The following F5 variants were observed in gnomAD, a reference collection of about 807,000 sequenced individuals.
The protein encoded by F5 is activated protein c cofactor.
Under a neutral mutation model 216.4 loss-of-function variants are expected in F5, and 138 were observed. That is an observed-to-expected ratio of 0.64 (90% CI 0.56 to 0.73). F5 has a LOEUF of 0.73. F5 is among the 30% of genes least tolerant of loss of function. The probability of loss-of-function intolerance (pLI) is 0.00; values close to 1 mark genes in which losing one functional copy is unlikely to be tolerated. For synonymous variants in F5, 916 were observed against 930.7 expected (o/e 0.98, Z 0.29); for missense variants, 2,403 against 2,674.0 (o/e 0.90, Z 2.24).
chr1:169,559,138 C>A lies in F5; in HGVS notation c.730+15G>T, dbSNP rs745875150. 1.9e-5 allele frequency: 30 copies of A among 1,613,358 alleles called. No homozygotes were observed. The East Asian group carries it at 6.5e-4, about 35-fold the overall frequency. ...GATTTTACTGTTGTTTAATGGTACA[C>A]AGCCCTCGTGTTACCTGGCATTGTC... On this transcript the variant is annotated intron_variant, in intron 5 of 24. Coordinates refer to ENST00000367797, the MANE Select transcript of F5 (RefSeq NM_000130.5).
rs138922712 is a variant in F5 at position 169,534,731 on chromosome 1, G to C, written c.4971+1775C>G. On this transcript the variant is annotated intron_variant, in intron 14 of 24. Transcript: ENST00000367797. ...TTCTACTGAAAAGACACATGTACTA[G>C]GATGTTCATCACAGCATTATTCACA... Among the ~76,000 whole-genome samples the C allele has an allele frequency of 1.1e-3, 163 of 151,800 alleles. 1 individual carries two copies. The highest frequency in any genetic ancestry group is 6.9e-3 in the Middle Eastern group (2 of 290).
chr1:169,582,885 G>A (rs984719421), intron 1 of F5, among the ~76,000 whole-genome samples: 5 of 152,172 alleles, frequency 3.3e-5, no homozygotes, highest in African/African-American at 7.2e-5. Flanking sequence ...TATATGAGCT[G>A]TTTTTCAACT....
intron 2 of F5, among the ~76,000 whole-genome samples, chr1:169,577,618 T>A (rs1177437194): frequency 2.2e-5 from 3 of 139,070 alleles, no homozygotes; most frequent in African/African-American, 5.3e-5. Context: ...TGTATTTTTT[T>A]AAATAGAAAC....
rs116407347 is a variant in F5 at position 169,541,833 on chromosome 1, A to C, written c.3257T>G (p.Leu1086Trp). Reference protein sequence around the residue: ...TSLPTDLNQTLPSMDFGWIAS... With the variant: ...TSLPTDLNQTWPSMDFGWIAS... ...TATCCAGCCAAAATCCATAGAGGGC[A>C]ATGTCTGATTGAGGTCTGTGGGAAG... Residue 1086 changes from leucine to tryptophan, a missense_variant, in exon 13 of 25, where the codon TTG becomes TGG. Physicochemically the swap from Leu to Trp is moderately conservative, Grantham distance 61 (BLOSUM62 -2). Coordinates refer to ENST00000367797, the MANE Select transcript of F5 (RefSeq NM_000130.5). The C allele has an allele frequency of 1.9e-6, 3 of 1,613,980 alleles. No individual in the cohort carries two copies. The highest frequency in any genetic ancestry group is 2.5e-6 in the Non-Finnish European group (3 of 1,179,994).
intron 3 of F5, among the ~76,000 whole-genome samples, chr1:169,564,981 C>T (rs1455238689): frequency 2.0e-5 from 3 of 152,036 alleles, no homozygotes; most frequent in Non-Finnish European, 2.9e-5. Flanking sequence ...ACCTCTACTT[C>T]TCTCTTCAGT....
intron 10 of F5, among the ~76,000 whole-genome samples, chr1:169,548,533 G>A (rs115592372): frequency 8.9e-4 from 136 of 152,180 alleles, no homozygotes; most frequent in African/African-American, 3.1e-3. Context: ...AAGGTAATAT[G>A]CAAAAGCAAA....
At chr1:169,535,395 A>G (rs941166990) in intron 14 of F5, among the ~76,000 whole-genome samples, 1 of 152,166 alleles carries the variant, frequency 6.6e-6, no homozygotes, top group African/African-American at 2.4e-5. Context: ...AAATTTTTTA[A>G]AAAACTTCAG....
rs1659097228 is a variant in F5, at chr1:169,514,043, T to C, written c.*270A>G. The C allele has an allele frequency of 2.4e-6, 1 of 415,120 alleles. No homozygotes were observed. The highest frequency in any genetic ancestry group is 4.3e-6 in the Non-Finnish European group (1 of 230,864). 25.7% of individuals were successfully genotyped at this position (415,120 alleles called of 1,614,324 possible). The stretch of plus-strand genomic sequence containing the variant: ...AAATATTACTTCATAGCATTTTCAA[T>C]CATTAAGAAAGATAAGCCCTTTTCT... On this transcript the variant is annotated 3_prime_UTR_variant, in exon 25 of 25. Transcript: ENST00000367797.
intron 2 of F5, among the ~76,000 whole-genome samples, chr1:169,575,395 GT>G (rs1283723929): frequency 6.6e-6 from 1 of 152,152 alleles, no homozygotes; most frequent in Non-Finnish European, 1.5e-5. Flanking sequence ...GCCTCATAGA[GT>G]TTTCCCTTTA....
chr1:169,528,174 C>G lies in F5; in HGVS notation c.5420-80G>C, dbSNP rs543375695. The G allele has an allele frequency of 4.6e-6, 7 of 1,531,472 alleles. No individual in the cohort carries two copies. In the African/African-American group the frequency reaches 5.5e-5, roughly 12 times the overall value. The allele number at this position is 1,531,472 out of a possible 1,614,324, so 94.9% of individuals were successfully genotyped here. A position where few individuals can be genotyped will look rare whatever the true frequency, so the allele number is the denominator to read the frequency against. ...AGTGGTAAGGAAATATGGGGCAACCCACTCAACACCCATGTTCCTCATGAT... is the reference window on the plus strand; with the variant it reads ...AGTGGTAAGGAAATATGGGGCAACCGACTCAACACCCATGTTCCTCATGAT... On this transcript the variant is annotated intron_variant, in intron 16 of 24. Coordinates refer to ENST00000367797, the MANE Select transcript of F5 (RefSeq NM_000130.5).
chr1:169,534,678 AAAAG>A lies in F5; in HGVS notation c.4971+1824_4971+1827del, dbSNP rs568251339. ...GTGAGACTCCATCTCAAAAAAAAAA[AAAAG>A]AAAGAAAGACAGAAAATACATTGTT... On this transcript the variant is annotated intron_variant, in intron 14 of 24. Transcript: ENST00000367797. Among the ~76,000 whole-genome samples, 85 of 152,164 alleles carry A rather than the reference AAAAG, an allele frequency of 5.6e-4. No homozygotes were observed. In the East Asian group the frequency reaches 0.012, roughly 22 times the overall value.
chr1:169,584,084 T>C (rs1407141197), intron 1 of F5, among the ~76,000 whole-genome samples: 1 of 152,212 alleles, frequency 6.6e-6, no homozygotes, highest in Non-Finnish European at 1.5e-5. Context: ...TGAAAAGTTA[T>C]TGTCCTCCCC....
rs1659087673 is a variant in F5 at position 169,513,752 on chromosome 1, A to T, written c.*561T>A. Among the ~76,000 whole-genome samples the T allele has an allele frequency of 6.6e-6, 1 of 152,112 alleles. No homozygotes were observed. The highest frequency in any genetic ancestry group is 2.1e-4 in the South Asian group (1 of 4,830). On this transcript the variant is annotated 3_prime_UTR_variant, in exon 25 of 25. Transcript: ENST00000367797. ...CTTAGGGAGACCAGGACGGATTCAC[A>T]ATTTCAATGGGGCTACTGGAAAGAT...
At chr1:169,523,617 A>C (rs1291398102) in intron 20 of F5, among the ~76,000 whole-genome samples, 184 bp downstream of exon 20, 1 of 152,204 alleles carries the variant, frequency 6.6e-6, no homozygotes, top group Non-Finnish European at 1.5e-5. Flanking sequence ...ATAAAACAAG[A>C]TATTATTAGA....
intron 20 of F5, 79 bp downstream of exon 20, chr1:169,523,722 C>CAAT: frequency 3.2e-6 from 4 of 1,264,552 alleles, no homozygotes; most frequent in Non-Finnish European, 4.6e-6. Context: ...ATTGCAAGAA[C>CAAT]AATAACAAGG....
At position 169,527,899 on chromosome 1, in the gene F5, A is replaced by G. The variant is rs571538889; in HGVS notation, c.5599+16T>C. 3 of 1,612,794 alleles carry G rather than the reference A, an allele frequency of 1.9e-6. No individual in the cohort carries two copies. The highest frequency in any genetic ancestry group is 2.2e-5 in the East Asian group (1 of 44,846). On this transcript the variant is annotated intron_variant, in intron 17 of 24. Transcript: ENST00000367797. Reference sequence around the variant, plus strand: ...TATTTCTTAGCAGGGACCTCTTCCCATTACCCAATCTTTACCAGGCAGAAG... The same window carrying G: ...TATTTCTTAGCAGGGACCTCTTCCCGTTACCCAATCTTTACCAGGCAGAAG...
chr1:169,557,253 C>A (rs1433800637), intron 5 of F5, among the ~76,000 whole-genome samples: 1 of 152,094 alleles, frequency 6.6e-6, no homozygotes, highest in Non-Finnish European at 1.5e-5. Flanking sequence ...AAGTCCACGG[C>A]AAAATGGAAT....
intron 16 of F5, 100 bp downstream of exon 16, chr1:169,529,508 G>A (rs1237530680): frequency 1.8e-5 from 20 of 1,102,260 alleles, no homozygotes; most frequent in Non-Finnish European, 2.5e-5. Flanking sequence ...GGGTGTCTCA[G>A]AAGCATCTCA....
In F5 at chr1:169,565,968, T is replaced by C. The variant is rs576718451; in HGVS notation, c.374-5202A>G. Among the ~76,000 whole-genome samples, 6 of 152,230 alleles carry C rather than the reference T, an allele frequency of 3.9e-5. No homozygotes were observed. In the East Asian group the frequency reaches 1.2e-3, roughly 29 times the overall value. On this transcript the variant is annotated intron_variant, in intron 3 of 24. Coordinates refer to ENST00000367797, the MANE Select transcript of F5 (RefSeq NM_000130.5). ...TCACTTCCTGTAAGTTATAACATAA[T>C]TCTAGTCTATAAAAGAAAAAAAGTT...
Sources: allele counts gnomAD v4.1 joint callset (sites outside exome capture counted in the v4.1 genomes callset), GRCh38; gene constraint gnomAD v4.1.1; transcripts MANE v1.5; gene names NCBI Gene and HGNC (gene_info 2026-07-23, HGNC 2026-07-21).